Variants in GRID2 observed in about 807,000 individuals in gnomAD.
GRID2 encodes glutamate receptor ionotropic, delta-2.
A neutral mutation model predicts 114.8 loss-of-function variants in GRID2; 33 were observed. The observed-to-expected ratio is 0.29, with a 90% confidence interval of 0.22 to 0.38. The LOEUF (loss-of-function observed/expected upper bound fraction) is 0.38, where lower values mean the gene tolerates loss of function less well. GRID2 is among the 10% of genes least tolerant of loss of function. The pLI, the probability that GRID2 is intolerant of heterozygous loss-of-function variation, is 1.00. For missense variants in GRID2, 1,184 were observed against 1,257.7 expected, an observed-to-expected ratio of 0.94 and a Z score of 0.89; for synonymous variants, 505 against 449.9, an observed-to-expected ratio of 1.12 and a Z score of -1.55.
chr4:92,346,106 A>G (rs947813482), intron 1 of GRID2, among the ~76,000 whole-genome samples: 1 of 152,152 alleles, frequency 6.6e-6, no homozygotes, highest in Non-Finnish European at 1.5e-5. Flanking sequence ...GCTCTTACCT[A>G]TAAGCCATGT....
At chr4:93,382,061 G>A (rs1163172542) in intron 8 of GRID2, among the ~76,000 whole-genome samples, 1 of 151,892 alleles carries the variant, frequency 6.6e-6, no homozygotes, top group Non-Finnish European at 1.5e-5. Context: ...TTAGCACTTT[G>A]TATATATTGG....
chr4:92,671,801 T>C (rs1027791349), intron 2 of GRID2, among the ~76,000 whole-genome samples: 2 of 152,148 alleles, frequency 1.3e-5, no homozygotes, highest in African/African-American at 4.8e-5. Flanking sequence ...TTGATCTTTA[T>C]AATGTAGCTC....
chr4:93,326,684 A>T (rs1348937483), intron 8 of GRID2, among the ~76,000 whole-genome samples: 1 of 151,816 alleles, frequency 6.6e-6, no homozygotes, highest in Non-Finnish European at 1.5e-5. Flanking sequence ...ATTACACCTC[A>T]TGCTTCTTTA....
At chr4:93,360,204 G>C (rs1035146820) in intron 8 of GRID2, among the ~76,000 whole-genome samples, 1 of 151,510 alleles carries the variant, frequency 6.6e-6, no homozygotes, top group African/African-American at 2.4e-5. Context: ...TGTTTTAAAA[G>C]AATCCGTTCT....
At chr4:93,443,408 A>G (rs569769822) in intron 10 of GRID2, among the ~76,000 whole-genome samples, 1 of 152,142 alleles carries the variant, frequency 6.6e-6, no homozygotes, top group Non-Finnish European at 1.5e-5. Context: ...ATTAAAAAGG[A>G]CATATGTGCT....
intron 1 of GRID2, among the ~76,000 whole-genome samples, chr4:92,420,554 TCTC>T (rs771462765): frequency 6.6e-6 from 1 of 152,132 alleles, no homozygotes; most frequent in Non-Finnish European, 1.5e-5. Flanking sequence ...TGATTTGTCT[TCTC>T]CTAATTTCAA....
chr4:93,250,151 A>G (rs1748692916), intron 8 of GRID2, among the ~76,000 whole-genome samples: 1 of 152,204 alleles, frequency 6.6e-6, no homozygotes, highest in Non-Finnish European at 1.5e-5. Context: ...AACACCATGC[A>G]ATACTATGCA....
At chr4:92,975,181 GTTGA>G (rs1385035556) in intron 2 of GRID2, among the ~76,000 whole-genome samples, 2 of 69,244 alleles carry the variant, frequency 2.9e-5, no homozygotes, top group African/African-American at 7.9e-5. Context: ...AAAAAAAGGT[GTTGA>G]TTAACATCTA....
chr4:93,290,846 C>G (rs1753659637), intron 8 of GRID2, among the ~76,000 whole-genome samples: 1 of 143,082 alleles, frequency 7.0e-6, no homozygotes, highest in African/African-American at 2.6e-5. Flanking sequence ...ATCTTACCAT[C>G]AAAGGGTTCA....
At chr4:92,456,052 C>T (rs1285342329) in intron 1 of GRID2, among the ~76,000 whole-genome samples, 1 of 151,992 alleles carries the variant, frequency 6.6e-6, no homozygotes, top group Admixed American at 6.6e-5. Context: ...AACTTTCTCC[C>T]ATCTTTCCAA....
At chr4:92,915,915 T>G (rs921265198) in intron 2 of GRID2, among the ~76,000 whole-genome samples, 2 of 152,142 alleles carry the variant, frequency 1.3e-5, no homozygotes, top group African/African-American at 4.8e-5. Context: ...ATGGGGTTAT[T>G]TGTTTTTATT....
intron 1 of GRID2, among the ~76,000 whole-genome samples, chr4:92,339,425 C>T (rs1727357866): frequency 2.0e-5 from 3 of 152,072 alleles, no homozygotes; most frequent in African/African-American, 2.4e-5. Context: ...GAAGAAAATT[C>T]GTCATTGTAG....
intron 2 of GRID2, among the ~76,000 whole-genome samples, chr4:92,687,541 T>G (rs576251956): frequency 2.0e-5 from 3 of 152,198 alleles, no homozygotes; most frequent in African/African-American, 7.2e-5. Context: ...TAAAAATACC[T>G]TATTGGGGCC....
chr4:93,197,440 A>C (rs1741608567), intron 4 of GRID2, among the ~76,000 whole-genome samples: 1 of 152,122 alleles, frequency 6.6e-6, no homozygotes, highest in African/African-American at 2.4e-5. Flanking sequence ...ATGAGTTATT[A>C]TCTACGTGTG....
At chr4:93,120,241 T>C (rs761058840) in intron 4 of GRID2, among the ~76,000 whole-genome samples, 3 of 152,162 alleles carry the variant, frequency 2.0e-5, no homozygotes, top group Non-Finnish European at 2.9e-5. Context: ...AATCCCATTA[T>C]TGAGTGTATA....
intron 14 of GRID2, among the ~76,000 whole-genome samples, chr4:93,695,100 G>A (rs1391160443): frequency 6.6e-6 from 1 of 151,516 alleles, no homozygotes; most frequent in East Asian, 1.9e-4. Flanking sequence ...GAACCCGGGA[G>A]GCGGAAGTCG....
At chr4:93,570,087 G>A (rs936363774) in intron 13 of GRID2, among the ~76,000 whole-genome samples, 1 of 151,192 alleles carries the variant, frequency 6.6e-6, no homozygotes, top group Non-Finnish European at 1.5e-5. Context: ...GATCATAACA[G>A]AAGCTTCATT....
intron 11 of GRID2, among the ~76,000 whole-genome samples, chr4:93,487,393 A>T (rs1411426542): frequency 6.6e-6 from 1 of 151,784 alleles, no homozygotes; most frequent in South Asian, 2.1e-4. Flanking sequence ...TTTCTTATAC[A>T]TTGCAGGCTA....
At chr4:93,246,415 G>A (rs1416914998) in intron 8 of GRID2, among the ~76,000 whole-genome samples, 3 of 151,666 alleles carry the variant, frequency 2.0e-5, no homozygotes, top group Non-Finnish European at 4.4e-5. Context: ...GTGAAACCTC[G>A]CCTCTACTAA....
Sources: gnomAD v4.1 joint callset for allele counts (sites outside exome capture counted in the v4.1 genomes callset) on GRCh38, gnomAD v4.1.1 for gene constraint, MANE v1.5 for transcripts, NCBI Gene and HGNC (gene_info 2026-07-23, HGNC 2026-07-21) for gene names.